Variants in TAF8 observed in about 807,000 individuals in gnomAD.
TAF8 encodes the protein transcription initiation factor TFIID subunit 8.
In TAF8, 47 loss-of-function variants were observed where a neutral mutation model predicts 36.5. That is an observed-to-expected ratio of 1.29 (90% CI 1.02 to 1.64). The LOEUF is 1.64. TAF8 is among the 40% of genes most tolerant of loss of function. The pLI, the probability that TAF8 is intolerant of heterozygous loss-of-function variation, is 0.00. For missense variants in TAF8, 420 were observed against 407.6 expected, an observed-to-expected ratio of 1.03 and a Z score of -0.26; for synonymous variants, 175 against 159.5, an observed-to-expected ratio of 1.10 and a Z score of -0.73.
At chr6:42,064,956 CA>C (rs59214523) in intron 5 of TAF8, among the ~76,000 whole-genome samples, 10,729 of 73,794 alleles carry the variant, frequency 0.15, 313 homozygotes, top group East Asian at 0.24. Context: ...GACTCTGTCT[CA>C]AAAAAAAAAA....
chr6:42,079,715 A>ATTTTTTT lies in TAF8; in HGVS notation c.*2182_*2188dup. ...AGATGCCCGCCACCACATCTGGCTA[A>ATTTTTTT]TTTTTTTTTTTTTTTTTTAGTAGAC... On this transcript the variant is annotated 3_prime_UTR_variant, in exon 9 of 9. Coordinates refer to ENST00000372977, the MANE Select transcript of TAF8 (RefSeq NM_138572.3). The ATTTTTTT allele has an allele frequency of 4.6e-6, 2 of 433,106 alleles. No individual in the cohort carries two copies. The highest frequency in any genetic ancestry group is 6.0e-6 in the Non-Finnish European group (2 of 333,068). The allele number at this position is 433,106 out of a possible 1,614,324, so 26.8% of individuals were successfully genotyped here. A position where few individuals can be genotyped will look rare whatever the true frequency, so the allele number is the denominator to read the frequency against.
In TAF8 at chr6:42,077,666, C is replaced by T. The variant is rs1582249546; in HGVS notation, c.*121C>T. The T allele has an allele frequency of 2.3e-5, 35 of 1,525,738 alleles. No individual in the cohort carries two copies. The highest frequency in any genetic ancestry group is 2.0e-4 in the South Asian group (16 of 79,806). The allele number at this position is 1,525,738 out of a possible 1,614,324, so 94.5% of individuals were successfully genotyped here. A position where few individuals can be genotyped will look rare whatever the true frequency, so the allele number is the denominator to read the frequency against. ...CCAAGCCGAGGCTGCAGGGTGTGAT[C>T]GGACATGATTTTCATGGCAAACCGT... On this transcript the variant is annotated 3_prime_UTR_variant, in exon 9 of 9. Transcript: ENST00000372977.
chr6:42,074,228 G>A (rs369752185), intron 7 of TAF8, among the ~76,000 whole-genome samples: 1 of 152,170 alleles, frequency 6.6e-6, no homozygotes, highest in Non-Finnish European at 1.5e-5. Context: ...GAGAAGCGCC[G>A]TTTACACCAC....
chr6:42,060,650 G>A (rs1026770590), intron 5 of TAF8, among the ~76,000 whole-genome samples: 3 of 152,186 alleles, frequency 2.0e-5, no homozygotes, highest in Middle Eastern at 3.4e-3. Flanking sequence ...CTGTGTGGAC[G>A]GGGTATAAGG....
chr6:42,071,311 CT>C (rs70987566), intron 7 of TAF8: 519 of 121,370 alleles, frequency 4.3e-3, no homozygotes, highest in African/African-American at 0.016. Flanking sequence ...CCTGGACATA[CT>C]TTTTTTTTTT....
intron 7 of TAF8, among the ~76,000 whole-genome samples, chr6:42,076,770 C>T (rs1281829409): frequency 1.3e-5 from 2 of 152,104 alleles, no homozygotes; most frequent in Non-Finnish European, 2.9e-5. Context: ...CCCACCTGGC[C>T]GGGCATCCTC....
chr6:42,059,193 C>T (rs1465967421), intron 5 of TAF8, among the ~76,000 whole-genome samples: 1 of 151,850 alleles, frequency 6.6e-6, no homozygotes, highest in Non-Finnish European at 1.5e-5. Flanking sequence ...ACCATCCTGG[C>T]CAACATGGTG....
chr6:42,073,387 CAG>C (rs1158965286), intron 7 of TAF8, among the ~76,000 whole-genome samples: 1 of 152,174 alleles, frequency 6.6e-6, no homozygotes, highest in Non-Finnish European at 1.5e-5. Flanking sequence ...CTTTTAGGAG[CAG>C]AGTTTGGCTG....
chr6:42,066,213 A>G, intron 5 of TAF8, 99 bp from the exon 6 acceptor site: 5 of 1,491,030 alleles, frequency 3.4e-6, no homozygotes, highest in South Asian at 1.2e-5. Flanking sequence ...GTATTGGGTC[A>G]TTTTAGAGAA....
intron 3 of TAF8, 72 bp from the exon 4 acceptor site, chr6:42,055,880 A>G (rs1562010122): frequency 9.6e-7 from 1 of 1,040,372 alleles, no homozygotes; most frequent in East Asian, 2.4e-5. Context: ...CCATTTGTCC[A>G]TACTACTACT....
chr6:42,057,650 T>TCTGA, intron 5 of TAF8, 137 bp downstream of exon 5: 1 of 1,228,642 alleles, frequency 8.1e-7, no homozygotes, highest in Non-Finnish European at 1.1e-6. Flanking sequence ...CCGGGCACAT[T>TCTGA]GGCTCACACC....
At chr6:42,053,409 C>T (rs1764867826) in intron 2 of TAF8, among the ~76,000 whole-genome samples, 1 of 151,588 alleles carries the variant, frequency 6.6e-6, no homozygotes, top group South Asian at 2.1e-4. Flanking sequence ...ACTAAAAATG[C>T]AAAAAATTAG....
At chr6:42,058,685 ATC>A (rs891835759) in intron 5 of TAF8, among the ~76,000 whole-genome samples, 2 of 152,126 alleles carry the variant, frequency 1.3e-5, no homozygotes, top group Non-Finnish European at 2.9e-5. Context: ...CCTTGGTCAG[ATC>A]TCTCTATTAG....
At chr6:42,052,073 TCTC>T (rs1300513277) in intron 2 of TAF8, among the ~76,000 whole-genome samples, 2 of 152,130 alleles carry the variant, frequency 1.3e-5, no homozygotes, top group Non-Finnish European at 2.9e-5. Flanking sequence ...AGCCACTGAA[TCTC>T]CTGAACCTCA....
intron 1 of TAF8, chr6:42,051,038 C>T (rs1457234142): frequency 4.6e-6 from 5 of 1,079,506 alleles, no homozygotes; most frequent in Non-Finnish European, 5.6e-6. Context: ...GTTTTTTCTG[C>T]GGGACACGTC....
At chr6:42,072,059 C>A (rs548481434) in intron 7 of TAF8, among the ~76,000 whole-genome samples, 9 of 152,100 alleles carry the variant, frequency 5.9e-5, no homozygotes, top group African/African-American at 2.2e-4. Context: ...CATGTGTGAC[C>A]GTGATTGTGT....
In TAF8 at chr6:42,077,518, T is replaced by TCCTCTTCTTTCTAGGTC; in HGVS notation, c.921-9_928dup. The TCCTCTTCTTTCTAGGTC allele has an allele frequency of 1.2e-6, 2 of 1,612,506 alleles. No individual in the cohort carries two copies. Among genetic ancestry groups the TCCTCTTCTTTCTAGGTC allele is most frequent in the Non-Finnish European group, 1.7e-6 (2 of 1,179,344 alleles). On this transcript the variant is annotated splice_polypyrimidine_tract_variant and intron_variant, in intron 8 of 8. Transcript: ENST00000372977. ...GGCCCACACCAGGAGGCTCCATGGT[T>TCCTCTTCTTTCTAGGTC]CCTCTTCTTTCTAGGTCCCTCTCCT...
intron 6 of TAF8, 145 bp downstream of exon 6, chr6:42,066,604 C>T (rs2127458303): frequency 3.2e-6 from 3 of 945,640 alleles, no homozygotes; most frequent in Non-Finnish European, 3.2e-6. Context: ...GGCTCCCTTC[C>T]CCAGGTCTTA....
chr6:42,081,042 C>A lies in TAF8; in HGVS notation c.*3497C>A. On this transcript the variant is annotated 3_prime_UTR_variant, in exon 9 of 9. Transcript: ENST00000372977. Reference sequence around the variant, plus strand: ...CTTTTATTTTGGAAATTTTCAAATACAAAATTAGAGAGCAAAATATATGAA... The same window carrying A: ...CTTTTATTTTGGAAATTTTCAAATAAAAAATTAGAGAGCAAAATATATGAA... The A allele has an allele frequency of 2.2e-6, 2 of 908,644 alleles. No homozygotes were observed. The highest frequency in any genetic ancestry group is 1.3e-6 in the Non-Finnish European group (1 of 760,312). The allele number at this position is 908,644 out of a possible 1,614,324, so 56.3% of individuals were successfully genotyped here.
Sources: allele counts gnomAD v4.1 joint callset (sites outside exome capture counted in the v4.1 genomes callset), GRCh38; gene constraint gnomAD v4.1.1; transcripts MANE v1.5; gene names NCBI Gene and HGNC (gene_info 2026-07-23, HGNC 2026-07-21).